PDCD7: variants seen among roughly 807,000 people sequenced by gnomAD.
PDCD7 encodes the protein programmed cell death 7.
Under a neutral mutation model 42.1 loss-of-function variants are expected in PDCD7, and 40 were observed. The ratio of observed to expected loss-of-function variants is 0.95; its 90% confidence interval spans 0.74 to 1.24. The LOEUF is 1.24. Ranked by LOEUF, PDCD7 falls within the 50% of genes most tolerant of loss-of-function variation. PDCD7 has a pLI of 0.00. For synonymous variants in PDCD7, 299 were observed against 303.3 expected (o/e 0.99, Z 0.15); for missense variants, 644 against 662.8 (o/e 0.97, Z 0.31).
Position 65,133,204 on chromosome 15 carries a change from T to C in PDCD7, c.578A>G (p.Gln193Arg). Residue 193 changes from glutamine (Q) to arginine (R), a missense_variant, in exon 1 of 5, where the codon CAG (glutamine) becomes CGG (arginine). Physicochemically the swap from Gln to Arg is conservative, Grantham distance 43. Transcript: ENST00000204549. ...RLVRRLRGLSQALREAEADGA... is the reference protein window; with the variant it reads ...RLVRRLRGLSRALREAEADGA... ...GTCGGCTTCGGCCTCGCGCAGGGCC[T>C]GGCTCAGGCCGCGCAGCCGCCGCAC... 3 of 1,391,962 alleles carry C rather than the reference T, an allele frequency of 2.2e-6. No individual in the cohort carries two copies. Among genetic ancestry groups the C allele is most frequent in the Non-Finnish European group, 2.8e-6 (3 of 1,083,196 alleles). 86.2% of individuals were successfully genotyped at this position (1,391,962 alleles called of 1,614,324 possible). A position where few individuals can be genotyped will look rare whatever the true frequency, so the allele number is the denominator to read the frequency against.
rs1277382565 is a variant in PDCD7, at chr15:65,133,296, G to C, written c.486C>G (p.Pro162=). The change falls in exon 1 of 5, where the codon CCC becomes CCG. Residue 162 remains proline (P), a synonymous_variant. Transcript: ENST00000204549. The stretch of plus-strand genomic sequence containing the variant: ...GGCTGGGCCCGGCATGCGTGCGCTG[G>C]GGCACCGGACAGCCTGCCCGCCGCG... ...GTPRRAGCPV[P]QRTHAGPSLG... The C allele has an allele frequency of 7.6e-7, 1 of 1,315,234 alleles. No homozygotes were observed. The highest frequency in any genetic ancestry group is 9.6e-7 in the Non-Finnish European group (1 of 1,037,572). The allele number at this position is 1,315,234 out of a possible 1,614,324, so 81.5% of individuals were successfully genotyped here.
Position 65,129,148 on chromosome 15 carries a change from G to A in PDCD7, c.893C>T (p.Ala298Val). The A allele has an allele frequency of 1.2e-6, 2 of 1,613,924 alleles. No homozygotes were observed. Among genetic ancestry groups the A allele is most frequent in the African/African-American group, 1.3e-5 (1 of 75,042 alleles). Residue 298 changes from alanine (A) to valine (V), a missense_variant, in exon 2 of 5, where the codon GCT (alanine) becomes GTT (valine). Transcript: ENST00000204549. ...CCTCACTTCAGATAGTACGCCATCA[G>A]CGGCTGCTTTGAGTTCCTGCTCCTG... ...KKREQELKAA[A>V]DGVLSEVRKK...
chr15:65,127,573 C>A (rs2087507098), intron 2 of PDCD7, among the ~76,000 whole-genome samples: 1 of 152,062 alleles, frequency 6.6e-6, no homozygotes, highest in Non-Finnish European at 1.5e-5. Flanking sequence ...GCTTAAACAT[C>A]CAGCCTCATC....
At chr15:65,119,230 A>T in intron 4 of PDCD7, 146 bp downstream of exon 4, 1 of 586,050 alleles carries the variant, frequency 1.7e-6, no homozygotes, top group Non-Finnish European at 3.1e-6. Context: ...TGAAACATGG[A>T]AACATTATAA....
chr15:65,131,727 C>G (rs1196858298), intron 1 of PDCD7, among the ~76,000 whole-genome samples: 3 of 152,016 alleles, frequency 2.0e-5, no homozygotes, highest in Admixed American at 1.3e-4. Context: ...CCAGCCTGGG[C>G]AACAAGAGCG....
Position 65,133,542 on chromosome 15 carries a change from G to A in PDCD7, c.240C>T (p.Phe80=). The change falls in exon 1 of 5, where the codon TTC becomes TTT. Residue 80 remains phenylalanine, a synonymous_variant. Coordinates refer to ENST00000204549, the MANE Select transcript of PDCD7 (RefSeq NM_005707.2). ...ASRGGGGAGA[F]YPVPPPPLPP... is the part of the protein sequence containing the mutation. Reference sequence around the variant, plus strand: ...GCAGCGGCGGTGGTGGCACCGGGTAGAAGGCGCCAGCGCCGCCTCCGCCGC... The same window carrying A: ...GCAGCGGCGGTGGTGGCACCGGGTAAAAGGCGCCAGCGCCGCCTCCGCCGC... 8.1e-6 allele frequency: 10 copies of A among 1,229,104 alleles called. No homozygotes were observed. Among genetic ancestry groups the A allele is most frequent in the Non-Finnish European group, 1.0e-5 (10 of 986,260 alleles). 76.1% of individuals were successfully genotyped at this position (1,229,104 alleles called of 1,614,324 possible).
rs1464820018 is a variant in PDCD7, at chr15:65,127,463, CA to C, written c.1009+1568del. Among the ~76,000 whole-genome samples, 500 of 58,280 alleles carry C rather than the reference CA, an allele frequency of 8.6e-3. 2 individuals carry two copies. Among genetic ancestry groups the C allele is most frequent in the Middle Eastern group, 0.036 (4 of 112 alleles). The allele number at this position is 58,280 out of a possible 152,430, so 38.2% of individuals were successfully genotyped here. ...TGGGCGACAGAGCGAGACTCCGTCT[CA>C]AAAAAAAAAAAAAAAAAAAACTTTC... is the stretch of plus-strand genomic sequence containing the variant. On this transcript the variant is annotated intron_variant, in intron 2 of 4. Transcript: ENST00000204549.
intron 2 of PDCD7, among the ~76,000 whole-genome samples, chr15:65,123,002 CAAA>C (rs537382444): frequency 1.5e-5 from 2 of 129,662 alleles, no homozygotes; most frequent in Admixed American, 7.8e-5. Flanking sequence ...AACTCTGTCT[CAAA>C]AAAAAAAAAA....
Position 65,133,769 on chromosome 15 carries a change from G to C in PDCD7, c.13C>G (p.Pro5Ala), listed in dbSNP as rs865841714. ...CCTGGGCGACCCTGGCCGAAGAATG[G>C]TGGCAGGGCCATGTTCACGACGGAG... Reference protein sequence around the residue: MALPPFFGQGRPGPP... With the variant: MALPAFFGQGRPGPP... Residue 5 changes from proline to alanine, a missense_variant, in exon 1 of 5, where the codon CCA (proline) becomes GCA (alanine). By Grantham distance (27) the Pro-to-Ala change is conservative (BLOSUM62 -1). Transcript: ENST00000204549. 4.4e-6 allele frequency: 6 copies of C among 1,350,044 alleles called. No homozygotes were observed. Among genetic ancestry groups the C allele is most frequent in the Non-Finnish European group, 5.7e-6 (6 of 1,048,740 alleles). 83.6% of individuals were successfully genotyped at this position (1,350,044 alleles called of 1,614,324 possible).
At chr15:65,122,652 A>G (rs941851816) in intron 2 of PDCD7, among the ~76,000 whole-genome samples, 17 of 152,206 alleles carry the variant, frequency 1.1e-4, no homozygotes, top group African/African-American at 3.9e-4. Flanking sequence ...TCCTGTTATT[A>G]TATTGTGATA....
intron 2 of PDCD7, among the ~76,000 whole-genome samples, chr15:65,125,260 A>G (rs2087486714): frequency 6.6e-6 from 1 of 152,054 alleles, no homozygotes; most frequent in Non-Finnish European, 1.5e-5. Context: ...TTGAGCCATC[A>G]ACTATTCTTC....
chr15:65,118,934 G>C (rs1410341339), intron 4 of PDCD7, 94 bp from the exon 5 acceptor site: 1 of 854,620 alleles, frequency 1.2e-6, no homozygotes, highest in Non-Finnish European at 1.7e-6. Flanking sequence ...GCTTTCAAAT[G>C]ACTGATATAC....
intron 1 of PDCD7, 55 bp downstream of exon 1, chr15:65,132,857 G>C: frequency 6.3e-7 from 1 of 1,590,014 alleles, no homozygotes; most frequent in Non-Finnish European, 8.5e-7. Flanking sequence ...GCCTCCTGCT[G>C]CTCCAGGTTC....
intron 2 of PDCD7, among the ~76,000 whole-genome samples, chr15:65,124,420 C>T (rs1439231474): frequency 1.3e-5 from 2 of 149,746 alleles, no homozygotes; most frequent in African/African-American, 2.5e-5. Flanking sequence ...AGTGAAACTC[C>T]GTCTCAAAAA....
At chr15:65,121,802 G>A (rs1322597495) in intron 2 of PDCD7, among the ~76,000 whole-genome samples, 2 of 152,196 alleles carry the variant, frequency 1.3e-5, no homozygotes, top group Admixed American at 6.5e-5. Flanking sequence ...CATAGTTGAT[G>A]ATGAGTGTTT....
rs200279164 is a variant in PDCD7, at chr15:65,119,913, G to A, written c.1051C>T (p.His351Tyr). The A allele has an allele frequency of 3.1e-6, 5 of 1,614,026 alleles. No homozygotes were observed. The highest frequency in any genetic ancestry group is 2.5e-6 in the Non-Finnish European group (3 of 1,180,042). The part of the protein sequence containing the change: ...PASADETFTH[H>Y]LQRLRKLIKK... Reference sequence around the variant, plus strand: ...ATGAGTTTTCTCAGTCGCTGAAGATGATGCGTAAAAGTCTCATCTGCTGAG... The same window carrying A: ...ATGAGTTTTCTCAGTCGCTGAAGATAATGCGTAAAAGTCTCATCTGCTGAG... The change falls in exon 3 of 5, where the codon CAT (histidine) becomes TAT (tyrosine). Residue 351 changes from histidine to tyrosine, a missense_variant. Coordinates refer to ENST00000204549, the MANE Select transcript of PDCD7 (RefSeq NM_005707.2).
At chr15:65,118,886 C>A in intron 4 of PDCD7, 46 bp from the exon 5 acceptor site, 1 of 1,404,340 alleles carries the variant, frequency 7.1e-7, no homozygotes, top group Non-Finnish European at 9.5e-7. Context: ...TGTTTTATTC[C>A]AAATAAGATG....
At chr15:65,131,723 T>C (rs776850796) in intron 1 of PDCD7, among the ~76,000 whole-genome samples, 1 of 152,100 alleles carries the variant, frequency 6.6e-6, no homozygotes, top group Non-Finnish European at 1.5e-5. Context: ...CACTCCAGCC[T>C]GGGCAACAAG....
intron 3 of PDCD7, 86 bp downstream of exon 3, chr15:65,119,632 A>G: frequency 1.4e-6 from 2 of 1,419,464 alleles, no homozygotes; most frequent in Non-Finnish European, 2.0e-6. Flanking sequence ...TTTGTTGCCT[A>G]CCACCTCTTA....
Sources: allele counts gnomAD v4.1 joint callset (sites outside exome capture counted in the v4.1 genomes callset), GRCh38; gene constraint gnomAD v4.1.1; transcripts MANE v1.5; gene names NCBI Gene and HGNC (gene_info 2026-07-23, HGNC 2026-07-21).